Variants in HDAC9 observed in about 807,000 individuals in gnomAD.
HDAC9 encodes the protein histone deacetylase 9.
Under a neutral mutation model 139.4 loss-of-function variants are expected in HDAC9, and 41 were observed. The ratio of observed to expected loss-of-function variants is 0.29; its 90% CI spans 0.23 to 0.38. The LOEUF is 0.38. Among genes scored for constraint, HDAC9 ranks in the 10% least tolerant of loss-of-function variants. HDAC9 has a pLI of 1.00. For synonymous variants in HDAC9, 517 were observed against 476.2 expected (o/e 1.09, Z -1.12); for missense variants, 1,147 against 1,297.0 (o/e 0.88, Z 1.78).
rs193211689 is a variant in HDAC9, at chr7:18,764,256, A to G, written c.2164+1979A>G. ...TCTAAATAAATTAGCCATTTATCTCATTAATTTTGAACATATGATGTGAAA... is the reference window on the plus strand; with the variant it reads ...TCTAAATAAATTAGCCATTTATCTCGTTAATTTTGAACATATGATGTGAAA... On this transcript the variant is annotated intron_variant, in intron 15 of 25. Transcript: ENST00000686413. Among the ~76,000 whole-genome samples the G allele has an allele frequency of 3.6e-4, 55 of 152,286 alleles. No homozygotes were observed. The Middle Eastern group carries it at 0.01, about 28-fold the overall frequency.
intron 22 of HDAC9, among the ~76,000 whole-genome samples, chr7:18,921,170 T>C (rs1803680434): frequency 6.6e-6 from 1 of 152,136 alleles, no homozygotes; most frequent in Non-Finnish European, 1.5e-5. Flanking sequence ...GACATAGGCA[T>C]GGGCAAGGAC....
chr7:18,668,857 A>T, intron 12 of HDAC9: 1 of 983,770 alleles, frequency 1.0e-6, no homozygotes, highest in Non-Finnish European at 1.2e-6. Context: ...CCTTTCATAC[A>T]CTTGGCTTTG....
At chr7:18,519,577 G>A (rs1804340311) in intron 2 of HDAC9, among the ~76,000 whole-genome samples, 1 of 152,072 alleles carries the variant, frequency 6.6e-6, no homozygotes, top group Non-Finnish European at 1.5e-5. Context: ...CATTATGGGA[G>A]TAAAAATAAA....
intron 13 of HDAC9, among the ~76,000 whole-genome samples, chr7:18,740,499 TTG>T (rs1787351495): frequency 6.6e-6 from 1 of 152,178 alleles, no homozygotes. Context: ...TAGATAAATA[TTG>T]TGTGTGTTCT....
At chr7:18,402,217 CG>C (rs1787610920) in intron 1 of HDAC9, among the ~76,000 whole-genome samples, 2 of 152,088 alleles carry the variant, frequency 1.3e-5, no homozygotes, top group Admixed American at 6.5e-5. Flanking sequence ...AGAAGTAGGA[CG>C]GGTTAACAGA....
intron 17 of HDAC9, among the ~76,000 whole-genome samples, chr7:18,824,151 G>A (rs182100652): frequency 6.6e-6 from 1 of 152,120 alleles, no homozygotes; most frequent in African/African-American, 2.4e-5. Context: ...TGAGTGCTCA[G>A]ATGAAAGGCA....
chr7:18,335,468 G>T (rs1051083489), intron 1 of HDAC9, among the ~76,000 whole-genome samples: 1 of 151,412 alleles, frequency 6.6e-6, no homozygotes, highest in Non-Finnish European at 1.5e-5. Flanking sequence ...TGATGTACAT[G>T]GATTTTCTTC....
At chr7:18,949,373 C>A (rs1415783888) in intron 23 of HDAC9, 1 of 261,110 alleles carries the variant, frequency 3.8e-6, no homozygotes, top group Non-Finnish European at 7.5e-6. Flanking sequence ...GCATCCTCCT[C>A]CTCTTCATCT....
At chr7:18,676,340 T>G (rs1456418054) in intron 12 of HDAC9, among the ~76,000 whole-genome samples, 3 of 151,818 alleles carry the variant, frequency 2.0e-5, no homozygotes, top group Non-Finnish European at 4.4e-5. Context: ...CTGGGAAACT[T>G]CCCCCCTCCC....
At chr7:18,885,590 A>G (rs1800082515) in intron 22 of HDAC9, among the ~76,000 whole-genome samples, 1 of 152,354 alleles carries the variant, frequency 6.6e-6, no homozygotes, top group East Asian at 1.9e-4. Context: ...GAAGACTAAC[A>G]AAACCACAAC....
intron 12 of HDAC9, among the ~76,000 whole-genome samples, chr7:18,676,462 C>A (rs1781518291): frequency 6.6e-6 from 1 of 151,202 alleles, no homozygotes. Context: ...AGCCATTTGT[C>A]CTCTCTCTAT....
At chr7:18,717,814 C>T (rs1354899004) in intron 12 of HDAC9, among the ~76,000 whole-genome samples, 1 of 151,980 alleles carries the variant, frequency 6.6e-6, no homozygotes, top group East Asian at 1.9e-4. Context: ...TAATGTATCA[C>T]TACATAAATA....
chr7:18,246,251 T>TA (rs1430999966), intron 2 of HDAC9, among the ~76,000 whole-genome samples: 1 of 150,742 alleles, frequency 6.6e-6, no homozygotes, highest in Non-Finnish European at 1.5e-5. Flanking sequence ...AACAGAGACT[T>TA]AGAGGTGGAA....
chr7:18,281,892 T>C (rs1282100306), intron 2 of HDAC9, among the ~76,000 whole-genome samples: 1 of 152,190 alleles, frequency 6.6e-6, no homozygotes, highest in Admixed American at 6.5e-5. Context: ...AATCAGAGAA[T>C]ACAGTGAACT....
At chr7:18,347,403 A>G (rs1220559184) in intron 1 of HDAC9, among the ~76,000 whole-genome samples, 1 of 152,150 alleles carries the variant, frequency 6.6e-6, no homozygotes, top group East Asian at 1.9e-4. Flanking sequence ...TGTTTTTCAT[A>G]ATGAGTCCAT....
At chr7:18,709,434 C>T (rs1387195863) in intron 12 of HDAC9, among the ~76,000 whole-genome samples, 2 of 152,242 alleles carry the variant, frequency 1.3e-5, no homozygotes, top group African/African-American at 2.4e-5. Context: ...TATTTAATTG[C>T]TCTATAATTT....
chr7:18,545,923 C>G (rs1814646414), intron 2 of HDAC9, among the ~76,000 whole-genome samples: 2 of 152,082 alleles, frequency 1.3e-5, no homozygotes. Context: ...TATTCTTTGG[C>G]CTGTGAATCT....
chr7:18,535,863 G>T (rs1469916119), intron 2 of HDAC9, among the ~76,000 whole-genome samples: 1 of 151,916 alleles, frequency 6.6e-6, no homozygotes, highest in East Asian at 1.9e-4. Flanking sequence ...GAACAGACAA[G>T]GAATGATCAA....
chr7:18,373,237 GAGTAAGAAAAGGTGGTGT>G (rs1255053456), intron 1 of HDAC9, among the ~76,000 whole-genome samples: 2 of 152,088 alleles, frequency 1.3e-5, no homozygotes, highest in East Asian at 3.9e-4. Flanking sequence ...GAGCACTAAC[GAGTAAGAAAAGGTGGTGT>G]AGTAAGAAAA....
Sources: allele counts gnomAD v4.1 joint callset (sites outside exome capture counted in the v4.1 genomes callset), GRCh38; gene constraint gnomAD v4.1.1; transcripts MANE v1.5; gene names NCBI Gene and HGNC (gene_info 2026-07-23, HGNC 2026-07-21).